The following FAAH2 variants were observed in gnomAD, a reference collection of about 807,000 sequenced individuals.
FAAH2 encodes the protein fatty-acid amide hydrolase 2.
FAAH2 carries 60 observed loss-of-function variants against 36.9 expected under a neutral mutation model. The ratio of observed to expected loss-of-function variants is 1.63; its 90% CI spans 1.32 to 2.02. The LOEUF is 2.02. FAAH2 is among the 30% of genes most tolerant of loss of function. The pLI is 0.00. For synonymous variants in FAAH2, 214 were observed against 143.8 expected (o/e 1.49, Z -3.49); for missense variants, 689 against 397.5 (o/e 1.73, Z -6.23).
chrX:57,123,262 T>A, the FAAH2 span, among the ~76,000 whole-genome samples: 11 of 111,804 alleles, frequency 9.8e-5, no homozygotes, highest in Admixed American at 1.0e-3. Flanking sequence ...GTTTGGTTTT[T>A]TGTCCTTGCG....
chrX:57,315,376 A>G (rs1177671830), intron 3 of FAAH2, among the ~76,000 whole-genome samples: 1 of 111,507 alleles, frequency 9.0e-6, no homozygotes, highest in Non-Finnish European at 1.9e-5. Flanking sequence ...TAAAAAATGG[A>G]GGAGGAGGGA....
the FAAH2 span, among the ~76,000 whole-genome samples, chrX:57,163,362 G>A: frequency 5.4e-5 from 6 of 112,032 alleles, no homozygotes; most frequent in African/African-American, 1.9e-4. Context: ...AAGCAGGCAG[G>A]CCTCCTTGAG....
At chrX:57,389,550 A>C (rs2055113533) in intron 7 of FAAH2, among the ~76,000 whole-genome samples, 1 of 109,219 alleles carries the variant, frequency 9.2e-6, no homozygotes, top group Non-Finnish European at 1.9e-5. Context: ...AAAATTGCAA[A>C]ATTTTCTATA....
chrX:57,462,547 G>A (rs773191009), intron 10 of FAAH2, among the ~76,000 whole-genome samples: 1 of 111,994 alleles, frequency 8.9e-6, no homozygotes, highest in East Asian at 2.8e-4. Context: ...AAGAGAACCA[G>A]TGATAAAAAA....
Position 57,423,979 on chromosome X carries a change from C to T in FAAH2, c.997-7939C>T, listed in dbSNP as rs1019080613. Among the ~76,000 whole-genome samples, 12 of 111,148 alleles carry T rather than the reference C, an allele frequency of 1.1e-4. No individual in the cohort carries two copies. In the East Asian group the frequency reaches 1.1e-3, roughly 11 times the overall value. On this transcript the variant is annotated intron_variant, in intron 7 of 10. Coordinates refer to ENST00000374900, the MANE Select transcript of FAAH2 (RefSeq NM_174912.4). ...CTGCATAGTCCATTACAACATCGGC[C>T]GACACAATAGCATAGCACTCAGAAA...
chrX:57,331,303 A>G (rs756203373), intron 3 of FAAH2, among the ~76,000 whole-genome samples: 1 of 110,842 alleles, frequency 9.0e-6, no homozygotes, highest in Non-Finnish European at 1.9e-5. Flanking sequence ...TGACTGTTCA[A>G]CTCACCTTTT....
chrX:57,309,927 T>A (rs777154475), intron 2 of FAAH2, among the ~76,000 whole-genome samples: 1 of 111,996 alleles, frequency 8.9e-6, no homozygotes, highest in Non-Finnish European at 1.9e-5. Context: ...TGATTTATAT[T>A]CTTTTGGGTA....
the FAAH2 span, among the ~76,000 whole-genome samples, chrX:57,273,950 C>CA: frequency 9.0e-6 from 1 of 110,840 alleles, no homozygotes; most frequent in East Asian, 2.8e-4. Context: ...AACAACCCTC[C>CA]AAAAAATCAA....
At chrX:57,167,055 G>T in the FAAH2 span, among the ~76,000 whole-genome samples, 1 of 111,638 alleles carries the variant, frequency 9.0e-6, no homozygotes, top group Non-Finnish European at 1.9e-5. Flanking sequence ...GCGCTATATA[G>T]ATCTCTGATG....
At chrX:57,349,268 TAC>T (rs2053926066) in intron 5 of FAAH2, among the ~76,000 whole-genome samples, 2 of 94,362 alleles carry the variant, frequency 2.1e-5, no homozygotes, top group African/African-American at 3.8e-5. Context: ...TATATGTATA[TAC>T]ATATATACAT....
intron 7 of FAAH2, among the ~76,000 whole-genome samples, chrX:57,419,528 G>A (rs2055948765): frequency 1.8e-5 from 2 of 112,044 alleles, no homozygotes; most frequent in Non-Finnish European, 3.8e-5. Context: ...TTTGAGAAGT[G>A]TCTGTTCCCA....
At chrX:57,344,184 T>C (rs774589534) in intron 5 of FAAH2, among the ~76,000 whole-genome samples, 22 of 110,587 alleles carry the variant, frequency 2.0e-4, no homozygotes, top group Admixed American at 1.8e-3. Context: ...ACATTGAATA[T>C]GTAAATTACT....
chrX:57,276,372 C>A, the FAAH2 span, among the ~76,000 whole-genome samples: 1 of 111,655 alleles, frequency 9.0e-6, no homozygotes, highest in East Asian at 2.8e-4. Flanking sequence ...TCTCTGAAAC[C>A]AACAAGAACA....
chrX:57,138,232 T>G, the FAAH2 span, among the ~76,000 whole-genome samples: 3 of 111,663 alleles, frequency 2.7e-5, no homozygotes, highest in Non-Finnish European at 5.6e-5. Context: ...GTTACAGTTT[T>G]TCACAGTATC....
chrX:57,132,106 G>A, the FAAH2 span, among the ~76,000 whole-genome samples: 2 of 112,484 alleles, frequency 1.8e-5, no homozygotes, highest in Admixed American at 1.9e-4. Context: ...ATCTACTGCA[G>A]TATAAACATC....
chrX:57,358,869 C>G (rs1194176732), intron 5 of FAAH2, among the ~76,000 whole-genome samples: 1 of 110,928 alleles, frequency 9.0e-6, no homozygotes, highest in Non-Finnish European at 1.9e-5. Flanking sequence ...CCTCTACATC[C>G]TTGTCAGCAC....
intron 7 of FAAH2, among the ~76,000 whole-genome samples, chrX:57,386,232 G>A (rs1388012694): frequency 9.0e-6 from 1 of 111,367 alleles, no homozygotes; most frequent in Admixed American, 9.5e-5. Flanking sequence ...ATTATTAACA[G>A]GCTATAACCT....
At chrX:57,468,368 C>T (rs1459420844) in intron 10 of FAAH2, among the ~76,000 whole-genome samples, 1 of 111,351 alleles carries the variant, frequency 9.0e-6, no homozygotes, top group African/African-American at 3.3e-5. Flanking sequence ...AGATGAATGG[C>T]TAACTAGAAT....
At chrX:57,185,848 G>A in the FAAH2 span, among the ~76,000 whole-genome samples, 8 of 110,547 alleles carry the variant, frequency 7.2e-5, no homozygotes, top group East Asian at 2.3e-3. Flanking sequence ...GAGGATGACG[G>A]TCTCCAGCTT....
Sources: allele counts gnomAD v4.1 joint callset (sites outside exome capture counted in the v4.1 genomes callset), GRCh38; gene constraint gnomAD v4.1.1; transcripts MANE v1.5; gene names NCBI Gene and HGNC (gene_info 2026-07-23, HGNC 2026-07-21).